Variants in PDE1A observed in about 807,000 individuals in gnomAD.
PDE1A encodes dual specificity calcium/calmodulin-dependent 3',5'-cyclic nucleotide phosphodiesterase 1A.
In PDE1A, 35 loss-of-function variants were observed where a neutral mutation model predicts 61.7. The ratio of observed to expected loss-of-function variants is 0.57; its 90% CI spans 0.43 to 0.75. The LOEUF is 0.75. PDE1A is among the 30% of genes least tolerant of loss of function. PDE1A has a pLI of 0.00. For missense variants in PDE1A, 597 were observed against 630.6 expected, an observed-to-expected ratio of 0.95 and a Z score of 0.57; for synonymous variants, 232 against 213.2, an observed-to-expected ratio of 1.09 and a Z score of -0.77.
At chr2:182,510,907 C>G (rs915231375) in intron 2 of PDE1A, among the ~76,000 whole-genome samples, 2 of 152,076 alleles carry the variant, frequency 1.3e-5, no homozygotes, top group Non-Finnish European at 2.9e-5. Context: ...AGAATACTTC[C>G]ATTGAGCTAA....
chr2:182,664,086 C>T, the PDE1A span, among the ~76,000 whole-genome samples: 7 of 152,132 alleles, frequency 4.6e-5, no homozygotes, highest in African/African-American at 1.7e-4. Context: ...GTTGACTTTA[C>T]TAGTAATGAA....
the PDE1A span, among the ~76,000 whole-genome samples, chr2:182,617,453 A>G: frequency 1.3e-5 from 2 of 152,146 alleles, no homozygotes; most frequent in Non-Finnish European, 2.9e-5. Context: ...ATTTGAATCT[A>G]TATCCTTTGT....
At chr2:182,395,397 G>C (rs1701647054) in intron 1 of PDE1A, among the ~76,000 whole-genome samples, 1 of 152,206 alleles carries the variant, frequency 6.6e-6, no homozygotes, top group South Asian at 2.1e-4. Flanking sequence ...ACTTATTGGT[G>C]AGACATTTGT....
At chr2:182,560,332 C>T in the PDE1A span, among the ~76,000 whole-genome samples, 1,845 of 150,120 alleles carry the variant, frequency 0.012, 39 homozygotes, top group African/African-American at 0.042. Flanking sequence ...TTTGTCCTTG[C>T]GATAGTTTAC....
the PDE1A span, among the ~76,000 whole-genome samples, chr2:182,579,869 A>C: frequency 6.6e-6 from 1 of 152,234 alleles, no homozygotes; most frequent in South Asian, 2.1e-4. Flanking sequence ...CATTAATTCC[A>C]TGAGAACAAC....
At chr2:182,412,201 G>A (rs1280017144) in intron 1 of PDE1A, among the ~76,000 whole-genome samples, 1 of 152,092 alleles carries the variant, frequency 6.6e-6, no homozygotes, top group African/African-American at 2.4e-5. Context: ...ATTGCACTGT[G>A]GTTTCAATTT....
intron 1 of PDE1A, among the ~76,000 whole-genome samples, chr2:182,333,867 A>C (rs1697595768): frequency 6.6e-6 from 1 of 152,186 alleles, no homozygotes; most frequent in Non-Finnish European, 1.5e-5. Flanking sequence ...AGAAGAATCA[A>C]ACAGCCACAA....
At chr2:182,246,530 A>G (rs1162591268) in intron 2 of PDE1A, among the ~76,000 whole-genome samples, 1 of 149,574 alleles carries the variant, frequency 6.7e-6, no homozygotes, top group Non-Finnish European at 1.5e-5. Context: ...CAGCCTCCCA[A>G]GTTGCTGGGA....
At chr2:182,474,355 C>G (rs1468153646) in intron 2 of PDE1A, among the ~76,000 whole-genome samples, 1 of 151,874 alleles carries the variant, frequency 6.6e-6, no homozygotes, top group Non-Finnish European at 1.5e-5. Flanking sequence ...GCGTCATGTG[C>G]AGCAGCAAAG....
chr2:182,167,405 G>GA (rs1486161491), downstream of PDE1A, among the ~76,000 whole-genome samples: 1 of 152,106 alleles, frequency 6.6e-6, no homozygotes, highest in East Asian at 1.9e-4. Context: ...TTCTTTAAAA[G>GA]AAAGAGCCAA....
At chr2:182,151,530 A>G (rs1273541991) in intron 13 of PDE1A, among the ~76,000 whole-genome samples, 1 of 152,230 alleles carries the variant, frequency 6.6e-6, no homozygotes, top group Non-Finnish European at 1.5e-5. Flanking sequence ...GACAACCAGA[A>G]TCTTGGCCTC....
At chr2:182,473,729 G>A (rs984210666) in intron 2 of PDE1A, among the ~76,000 whole-genome samples, 2 of 151,974 alleles carry the variant, frequency 1.3e-5, no homozygotes, top group Non-Finnish European at 2.9e-5. Context: ...ATATAAGTGA[G>A]AACATCAGGT....
chr2:182,352,685 T>C (rs1375137144), intron 1 of PDE1A, among the ~76,000 whole-genome samples: 2 of 151,532 alleles, frequency 1.3e-5, no homozygotes, highest in Non-Finnish European at 2.9e-5. Flanking sequence ...TTCCTCTTAA[T>C]TGTGTGGGCA....
intron 2 of PDE1A, among the ~76,000 whole-genome samples, chr2:182,511,978 C>G (rs1371632355): frequency 6.6e-6 from 1 of 152,152 alleles, no homozygotes; most frequent in Non-Finnish European, 1.5e-5. Flanking sequence ...ATGCGTGGAC[C>G]ACACTGCCCC....
At chr2:182,327,895 A>G (rs1368665822) in intron 1 of PDE1A, among the ~76,000 whole-genome samples, 1 of 152,234 alleles carries the variant, frequency 6.6e-6, no homozygotes, top group African/African-American at 2.4e-5. Context: ...GGACAAACTG[A>G]TGGAGTGAAG....
rs145208026 is a variant in PDE1A, at chr2:182,248,910, T to A, written c.168-8618A>T. Among the ~76,000 whole-genome samples, 3 of 152,366 alleles carry A rather than the reference T, an allele frequency of 2.0e-5. No homozygotes were observed. The East Asian group carries it at 5.8e-4, about 29-fold the overall frequency. On this transcript the variant is annotated intron_variant, in intron 2 of 13. Coordinates refer to ENST00000351439, the Ensembl canonical transcript of PDE1A. ...TCATTCAGTTCTTTCCCCTAACATT[T>A]CATGGGCTCAGGGTAGGAGCATATT...
chr2:182,351,479 T>G (rs1698874327), intron 1 of PDE1A, among the ~76,000 whole-genome samples: 2 of 152,210 alleles, frequency 1.3e-5, no homozygotes, highest in Non-Finnish European at 2.9e-5. Flanking sequence ...ATTATCAAGC[T>G]GGAAGTGGGG....
intron 1 of PDE1A, among the ~76,000 whole-genome samples, chr2:182,391,942 C>T (rs1344505577): frequency 1.3e-5 from 2 of 152,180 alleles, no homozygotes; most frequent in African/African-American, 4.8e-5. Context: ...ATCATGACCC[C>T]TCAATCAGTT....
the PDE1A span, among the ~76,000 whole-genome samples, chr2:182,671,657 T>C: frequency 1.4e-5 from 2 of 147,554 alleles, no homozygotes; most frequent in Non-Finnish European, 3.0e-5. Flanking sequence ...TCTCGCTCTG[T>C]CGCCCAGGCT....
Sources: allele counts gnomAD v4.1 joint callset (sites outside exome capture counted in the v4.1 genomes callset), GRCh38; gene constraint gnomAD v4.1.1; transcripts MANE v1.5; gene names NCBI Gene and HGNC (gene_info 2026-07-23, HGNC 2026-07-21).